The following TDRD1 variants were observed in gnomAD, a reference collection of about 807,000 sequenced individuals.
TDRD1 encodes the protein tudor domain containing 1.
A neutral mutation model predicts 140.6 loss-of-function variants in TDRD1; 37 were observed. The observed-to-expected ratio is 0.26, with a 90% CI of 0.20 to 0.35. The LOEUF (loss-of-function observed/expected upper bound fraction) is 0.35, where lower values mean the gene tolerates loss of function less well. TDRD1 is among the 10% of genes least tolerant of loss of function. The pLI is 1.00. For missense variants in TDRD1, 1,243 were observed against 1,393.0 expected (o/e 0.89, Z 1.71); for synonymous variants, 506 against 475.7 (o/e 1.06, Z -0.83).
chr10:114,221,100 G>A (rs969150282), intron 19 of TDRD1, among the ~76,000 whole-genome samples: 1 of 152,146 alleles, frequency 6.6e-6, no homozygotes, highest in African/African-American at 2.4e-5. Flanking sequence ...ATTTGACAGA[G>A]ATGGAAATAT....
Position 114,205,192 on chromosome 10 carries a change from T to C in TDRD1, c.1297+299T>C, listed in dbSNP as rs530344655. 3.3e-5 allele frequency among the ~76,000 whole-genome samples: 5 copies of C among 152,360 alleles called. No individual in the cohort carries two copies. In the East Asian group the frequency reaches 9.6e-4, roughly 29 times the overall value. ...TATTGAGAAAATTCTTGAAGTTCTC[T>C]GAATTAGTTTGTCCTTATATCAGTG... is the stretch of plus-strand genomic sequence containing the variant. On this transcript the variant is annotated intron_variant, in intron 10 of 25. Coordinates refer to ENST00000251864, the Ensembl canonical transcript of TDRD1.
chr10:114,229,443 C>T (rs1048296514), intron 25 of TDRD1, among the ~76,000 whole-genome samples: 1 of 152,094 alleles, frequency 6.6e-6, no homozygotes, highest in Non-Finnish European at 1.5e-5. Context: ...TCTTGACTCT[C>T]ATGTTTCCTT....
exon 19 of TDRD1, chr10:114,220,740 T>G (rs750953269): frequency 6.2e-7 from 1 of 1,609,986 alleles, no homozygotes; most frequent in Non-Finnish European, 8.5e-7. Flanking sequence ...ATGTTCTGAT[T>G]GATGAACATC....
chr10:114,229,644 G>T (rs1261347838), intron 25 of TDRD1, among the ~76,000 whole-genome samples: 1 of 149,400 alleles, frequency 6.7e-6, no homozygotes, highest in African/African-American at 2.5e-5. Context: ...CACCTCCCAG[G>T]TTCACGCAAT....
chr10:114,178,375 C>G (rs111798305), upstream of TDRD1, among the ~76,000 whole-genome samples: 291 of 152,172 alleles, frequency 1.9e-3, 4 homozygotes, highest in African/African-American at 6.6e-3. Context: ...GAGGTTCTGC[C>G]CAGGGGTTAC....
rs1250642097 is a variant in TDRD1, at chr10:114,218,600, A to G, written c.2494+16A>G. 6.4e-7 allele frequency: 1 copy of G among 1,554,100 alleles called. No homozygotes were observed. The highest frequency in any genetic ancestry group is 2.3e-5 in the East Asian group (1 of 43,352). On this transcript the variant is annotated intron_variant, in intron 18 of 25. Transcript: ENST00000251864. Reference sequence around the variant, plus strand: ...CAGTTAGCAGGTATGGTATACAATAAGAAACTTTCTCAACTTTCTAATACT... The same window carrying G: ...CAGTTAGCAGGTATGGTATACAATAGGAAACTTTCTCAACTTTCTAATACT...
intron 3 of TDRD1, among the ~76,000 whole-genome samples, chr10:114,192,054 A>AT (rs146888592): frequency 0.21 from 30,111 of 145,416 alleles, 3,185 homozygotes; most frequent in African/African-American, 0.27. Context: ...CTATTTTCTA[A>AT]TTTTTTTTTT....
chr10:114,223,657 A>G (rs1371479473), intron 21 of TDRD1, among the ~76,000 whole-genome samples: 1 of 152,186 alleles, frequency 6.6e-6, no homozygotes, highest in African/African-American at 2.4e-5. Context: ...TGGTTCTATA[A>G]GTATTCTGCC....
At chr10:114,203,144 A>G in exon 7 of TDRD1, 1 of 1,613,562 alleles carries the variant, frequency 6.2e-7, no homozygotes, top group Non-Finnish European at 8.5e-7. Context: ...TGATTTGAGA[A>G]GTCTACAACT....
exon 23 of TDRD1, chr10:114,227,254 C>G (rs2036489985): frequency 6.2e-7 from 1 of 1,613,948 alleles, no homozygotes; most frequent in Admixed American, 1.7e-5. Flanking sequence ...GACATTTGGT[C>G]TGGCAAAAAA....
chr10:114,225,538 T>C (rs1222472260), intron 21 of TDRD1, among the ~76,000 whole-genome samples: 7 of 146,872 alleles, frequency 4.8e-5, no homozygotes, highest in Non-Finnish European at 8.9e-5. Flanking sequence ...TCTCTTGTTC[T>C]CTACTCTATT....
intron 1 of TDRD1, among the ~76,000 whole-genome samples, chr10:114,180,656 G>A (rs1182307789): frequency 6.6e-6 from 1 of 152,082 alleles, no homozygotes; most frequent in Non-Finnish European, 1.5e-5. Flanking sequence ...GTAGAGACAG[G>A]GTTTCACCAT....
exon 20 of TDRD1, chr10:114,221,360 C>T: frequency 6.2e-7 from 1 of 1,612,786 alleles, no homozygotes. Flanking sequence ...TTTCCAGCTA[C>T]CTCTTCAGCT....
At chr10:114,199,450 C>T in intron 4 of TDRD1, 133 bp downstream of exon 4, 2 of 1,089,222 alleles carry the variant, frequency 1.8e-6, no homozygotes, top group Non-Finnish European at 2.5e-6. Context: ...TCAGCCTCAG[C>T]AGCTGTCAGC....
At chr10:114,193,311 T>TTTTTTA (rs2034117417) in intron 3 of TDRD1, among the ~76,000 whole-genome samples, 20 of 145,532 alleles carry the variant, frequency 1.4e-4, no homozygotes, top group Admixed American at 2.7e-4. Flanking sequence ...TTTTTTTTTT[T>TTTTTTA]GAGACAGTTT....
upstream of TDRD1, among the ~76,000 whole-genome samples, chr10:114,176,460 T>G (rs950391609): frequency 2.6e-5 from 4 of 152,348 alleles, no homozygotes; most frequent in Non-Finnish European, 4.4e-5. This position sits in a 1 kb window ranked among gnomAD's most constrained non-coding sequence, Gnocchi z 4.2. Flanking sequence ...CTGGGTGTGG[T>G]GGCTCACACC....
At position 114,186,419 on chromosome 10, in the gene TDRD1, A is replaced by G. The variant is rs187592258; in HGVS notation, c.-6-1407A>G. Among the ~76,000 whole-genome samples the G allele has an allele frequency of 5.2e-3, 791 of 151,934 alleles. 8 individuals are homozygous for G. Among genetic ancestry groups the G allele is most frequent in the African/African-American group, 0.018 (740 of 41,430 alleles). On this transcript the variant is annotated intron_variant, in intron 1 of 25. Transcript: ENST00000251864. ...GCTGGGACTACAGGCACCCGCCACC[A>G]CGCCTGGCTAATTTTTTTGTATTTT...
At chr10:114,183,288 C>T (rs1039198362) in intron 1 of TDRD1, among the ~76,000 whole-genome samples, 19 of 152,198 alleles carry the variant, frequency 1.2e-4, no homozygotes, top group East Asian at 5.8e-4. Flanking sequence ...GATGACTATA[C>T]GCTAGTTTTA....
intron 3 of TDRD1, among the ~76,000 whole-genome samples, chr10:114,192,508 G>A (rs531067365): frequency 4.0e-4 from 60 of 151,674 alleles, no homozygotes; most frequent in Admixed American, 2.7e-3. Flanking sequence ...GGGTTTCACC[G>A]TGTTAGCCAG....
Sources: gnomAD v4.1 joint callset for allele counts (sites outside exome capture counted in the v4.1 genomes callset) on GRCh38, gnomAD v4.1.1 for gene constraint, Gnocchi (gnomAD v3.1) non-coding constraint, MANE v1.5 for transcripts, NCBI Gene and HGNC (gene_info 2026-07-23, HGNC 2026-07-21) for gene names.